The following GAREM2 variants were observed in gnomAD, a reference collection of about 807,000 sequenced individuals.
The protein encoded by GAREM2 is GRB2 associated regulator of MAPK1 subtype 2.
Under a neutral mutation model 55.6 loss-of-function variants are expected in GAREM2, and 30 were observed. The observed-to-expected ratio is 0.54, with a 90% CI of 0.40 to 0.73. The LOEUF is 0.73. Ranked by LOEUF, GAREM2 falls within the 30% of genes least tolerant of loss-of-function variation. The probability of loss-of-function intolerance (pLI) is 0.00; values close to 1 mark genes in which losing one functional copy is unlikely to be tolerated. For missense variants in GAREM2, 1,075 were observed against 1,257.7 expected (o/e 0.85, Z 2.20); for synonymous variants, 550 against 569.1 (o/e 0.97, Z 0.48).
chr2:26,187,167 G>T (rs1455013428), intron 5 of GAREM2, 64 bp from the exon 6 acceptor site: 1 of 1,405,264 alleles, frequency 7.1e-7, no homozygotes, highest in East Asian at 2.7e-5. Context: ...ATGCATGTGT[G>T]ACCCTATCGG....
At chr2:26,183,417 G>C (rs1179940353) in intron 3 of GAREM2, among the ~76,000 whole-genome samples, 1 of 152,178 alleles carries the variant, frequency 6.6e-6, no homozygotes, top group African/African-American at 2.4e-5. Flanking sequence ...TGGTGAGCAG[G>C]CAGTGTAAAT....
intron 2 of GAREM2, chr2:26,180,817 C>A: frequency 1.7e-6 from 1 of 593,426 alleles, no homozygotes; most frequent in Non-Finnish European, 2.1e-6. Flanking sequence ...GGGGTTTCAC[C>A]ATGTTGGCCA....
At chr2:26,197,581 C>G in the GAREM2 span, 1 of 743,962 alleles carries the variant, frequency 1.3e-6, no homozygotes, top group Non-Finnish European at 2.5e-6. Context: ...TTAGGAACCA[C>G]CCGCATCCAC....
rs1292286076 is a variant in GAREM2 at position 26,184,785 on chromosome 2, C to T, written c.937C>T (p.Leu313=). Residue 313 remains leucine, a synonymous_variant, in exon 4 of 6, where the codon CTG becomes TTG. Transcript: ENST00000401533. ...LALRREGPAP[L]HFLLLTDTPR... ...GCTGCGCCGCGAGGGCCCGGCGCCGCTGCACTTCCTGCTGCTCACGGACAC... is the reference window on the plus strand; with the variant it reads ...GCTGCGCCGCGAGGGCCCGGCGCCGTTGCACTTCCTGCTGCTCACGGACAC... 3 of 1,499,908 alleles carry T rather than the reference C, an allele frequency of 2.0e-6. No homozygotes were observed. Among genetic ancestry groups the T allele is most frequent in the Non-Finnish European group, 2.7e-6 (3 of 1,131,440 alleles). 92.9% of individuals were successfully genotyped at this position (1,499,908 alleles called of 1,614,324 possible).
chr2:26,201,393 G>GCA, the GAREM2 span: 1 of 1,010,214 alleles, frequency 9.9e-7, no homozygotes, highest in South Asian at 1.3e-5. Flanking sequence ...ATGGGCCAGA[G>GCA]CACACCTGTG....
chr2:26,193,619 T>G, downstream of GAREM2: 1 of 1,614,060 alleles, frequency 6.2e-7, no homozygotes, highest in Non-Finnish European at 8.5e-7. Flanking sequence ...AGTTCTGGGT[T>G]TCCACCTCCA....
Position 26,187,337 on chromosome 2 carries a change from C to G in GAREM2, c.1705C>G (p.Pro569Ala). 6.5e-7 allele frequency: 1 copy of G among 1,540,664 alleles called. No individual in the cohort carries two copies. Among genetic ancestry groups the G allele is most frequent in the Middle Eastern group, 1.7e-4 (1 of 5,944 alleles). Residue 569 changes from proline (P) to alanine (A), a missense_variant, in exon 6 of 6, where the codon CCA becomes GCA. Physicochemically the swap from Pro to Ala is conservative, Grantham distance 27. This residue lies in a region of GAREM2 where 515 missense variants were observed against 501.5 expected (regional missense o/e 1.03). Coordinates refer to ENST00000401533, the MANE Select transcript of GAREM2 (RefSeq NM_001168241.2). ...CAAGGTGGGCGAGTCCTCTAGCCGC[C>G]CAGCCCCCGGTCCCCTACCCTCAAC... ...DCKVGESSSRPAPGPLPSTTQ... is the reference protein window; with the variant it reads ...DCKVGESSSRAAPGPLPSTTQ...
rs1669181254 is a variant in GAREM2 at position 26,184,886 on chromosome 2, C to T, written c.1038C>T (p.Ser346=). Reference sequence around the variant, plus strand: ...AGCGCCTGGTGCGCGACAGCGCCTCCTACTGCCGCGAGCGCTTCGACCCCG... The same window carrying T: ...AGCGCCTGGTGCGCGACAGCGCCTCTTACTGCCGCGAGCGCTTCGACCCCG... ...RVERLVRDSA[S]YCRERFDPDE... Residue 346 remains serine, a synonymous_variant, in exon 4 of 6, where the codon TCC becomes TCT. Transcript: ENST00000401533. The T allele has an allele frequency of 1.4e-6, 2 of 1,459,862 alleles. No individual in the cohort carries two copies. The highest frequency in any genetic ancestry group is 3.0e-5 in the East Asian group (1 of 33,428). 90.4% of individuals were successfully genotyped at this position (1,459,862 alleles called of 1,614,324 possible).
Position 26,187,998 on chromosome 2 carries a change from C to T in GAREM2, c.2366C>T (p.Ala789Val). 3.4e-6 allele frequency: 5 copies of T among 1,476,820 alleles called. No individual in the cohort carries two copies. Among genetic ancestry groups the T allele is most frequent in the Non-Finnish European group, 4.5e-6 (5 of 1,107,558 alleles). The allele number at this position is 1,476,820 out of a possible 1,614,324, so 91.5% of individuals were successfully genotyped here. ...CCTCCTGCCAGTCCCCGGGATGGAG[C>T]CACAGGCTTTGGAGTCCGAGATGCC... is the stretch of plus-strand genomic sequence containing the variant. ...EGPPASPRDG[A>V]TGFGVRDASS... Residue 789 changes from alanine to valine, a missense_variant, in exon 6 of 6, where the codon GCC (alanine) becomes GTC (valine). Ala to Val is a moderately conservative substitution (Grantham distance 64). This residue lies in a region of GAREM2 where 142 missense variants were observed against 172.3 expected (regional missense o/e 0.82). Transcript: ENST00000401533.
the GAREM2 span, among the ~76,000 whole-genome samples, chr2:26,200,939 G>A: frequency 6.6e-6 from 1 of 151,708 alleles, no homozygotes; most frequent in Non-Finnish European, 1.5e-5. Context: ...TCATCATATC[G>A]GCCAGTCTGG....
At chr2:26,193,325 C>T (rs1165492342), downstream of GAREM2, among the ~76,000 whole-genome samples, 6 of 144,962 alleles carry the variant, frequency 4.1e-5, no homozygotes, top group South Asian at 2.2e-4. Flanking sequence ...GAAGGGGCCT[C>T]GCCATGTTGC....
chr2:26,175,629 CT>C (rs1467123874), intron 1 of GAREM2, among the ~76,000 whole-genome samples: 15 of 152,258 alleles, frequency 9.9e-5, no homozygotes, highest in African/African-American at 2.6e-4. Context: ...GACTCCCCCC[CT>C]CTCCTTCGAG....
intron 2 of GAREM2, among the ~76,000 whole-genome samples, chr2:26,178,748 A>T (rs1410584731): frequency 6.6e-6 from 1 of 151,790 alleles, no homozygotes; most frequent in East Asian, 1.9e-4. Flanking sequence ...GGGGGCTCCT[A>T]GCTCTTCCTC....
intron 2 of GAREM2, chr2:26,182,552 G>A: frequency 6.7e-7 from 1 of 1,495,850 alleles, no homozygotes; most frequent in Non-Finnish European, 9.1e-7. Context: ...GGCCCAGAGA[G>A]GGAAAGGAAC....
At chr2:26,195,188 CA>C in the GAREM2 span, 7 of 1,612,106 alleles carry the variant, frequency 4.3e-6, no homozygotes, top group Non-Finnish European at 5.1e-6. Flanking sequence ...TAATCTCCAG[CA>C]GCTGCATCTT....
chr2:26,183,357 GGCAA>G (rs1669116511), intron 3 of GAREM2, among the ~76,000 whole-genome samples: 1 of 152,222 alleles, frequency 6.6e-6, no homozygotes, highest in Non-Finnish European at 1.5e-5. Flanking sequence ...GACTTTTCAG[GGCAA>G]CCTGTCCCTA....
At chr2:26,181,260 C>T (rs760307619) in intron 2 of GAREM2, 1 of 470,740 alleles carries the variant, frequency 2.1e-6, no homozygotes, top group Non-Finnish European at 2.8e-6. Context: ...CTCCTGTCCT[C>T]CCTCTCCCTA....
In GAREM2 at chr2:26,184,227, C is replaced by T. The variant is rs1383108008; in HGVS notation, c.385-6C>T. 1.9e-5 allele frequency: 30 copies of T among 1,549,394 alleles called. No homozygotes were observed. Among genetic ancestry groups the T allele is most frequent in the Non-Finnish European group, 2.5e-5 (29 of 1,145,686 alleles). On this transcript the variant is annotated splice_region_variant and splice_polypyrimidine_tract_variant and intron_variant, in intron 3 of 5. Coordinates refer to ENST00000401533, the MANE Select transcript of GAREM2 (RefSeq NM_001168241.2). ...TAAGGCCCTGCCCTGTCTCTGGGAT[C>T]CCCAGGTGGTGTCGGGCGAGTTCAG...
At chr2:26,199,425 GA>G in the GAREM2 span, 1 of 152,256 alleles carries the variant, frequency 6.6e-6, no homozygotes, top group Non-Finnish European at 1.5e-5. Flanking sequence ...ATGACTGTCA[GA>G]AAGCTTACGT....
Sources: allele counts gnomAD v4.1 joint callset (sites outside exome capture counted in the v4.1 genomes callset), GRCh38; gene constraint gnomAD v4.1.1; regional missense constraint gnomAD v4.1.1; transcripts MANE v1.5; gene names NCBI Gene and HGNC (gene_info 2026-07-23, HGNC 2026-07-21).